ARHGEF3: variants seen among roughly 807,000 people sequenced by gnomAD.
ARHGEF3 encodes the protein Rho guanine nucleotide exchange factor 3.
A neutral mutation model predicts 63.2 loss-of-function variants in ARHGEF3; 28 were observed. The ratio of observed to expected loss-of-function variants is 0.44; its 90% confidence interval spans 0.33 to 0.61. The LOEUF (loss-of-function observed/expected upper bound fraction) is 0.61. Among genes scored for constraint, ARHGEF3 ranks in the 20% least tolerant of loss-of-function variants. The pLI, the probability that ARHGEF3 is intolerant of heterozygous loss-of-function variation, is 0.03. For missense variants in ARHGEF3, 533 were observed against 659.3 expected, an observed-to-expected ratio of 0.81 and a Z score of 2.10; for synonymous variants, 266 against 254.2, an observed-to-expected ratio of 1.05 and a Z score of -0.44.
At chr3:56,968,286 TA>T (rs1369417045) in intron 2 of ARHGEF3, among the ~76,000 whole-genome samples, 8 of 26,036 alleles carry the variant, frequency 3.1e-4, no homozygotes, top group Non-Finnish European at 4.8e-4. Context: ...AAAATATATA[TA>T]ATATATATAA....
chr3:56,729,692 G>A lies in ARHGEF3; in HGVS notation c.1229-70C>T, dbSNP rs536226985. 6.3e-5 allele frequency: 81 copies of A among 1,278,842 alleles called. No homozygotes were observed. The African/African-American group carries it at 9.8e-4, about 16-fold the overall frequency. The allele number at this position is 1,278,842 out of a possible 1,614,324, so 79.2% of individuals were successfully genotyped here. A position where few individuals can be genotyped will look rare whatever the true frequency, so the allele number is the denominator to read the frequency against. The stretch of plus-strand genomic sequence containing the variant: ...CTTCCTCAGGCCAAAGAGAACACAC[G>A]TAGTGACACTAAACCCCAGAATCCA... On this transcript the variant is annotated intron_variant, in intron 9 of 9. Transcript: ENST00000296315.
rs764625854 is a variant in ARHGEF3, at chr3:56,773,740, G to A, written c.173C>T (p.Thr58Met). ...GGTTTGACTGAAGCGCTTTAATGGC[G>A]TGGCCTTCACGGGCGGGATGAGGTT... ...LANLIPPVKA[T>M]PLKRFSQTLQ... Residue 58 changes from threonine to methionine, a missense_variant, in exon 2 of 10, where the codon ACG becomes ATG. This residue lies in a region of ARHGEF3 where 160 missense variants were observed against 157.3 expected (regional missense o/e 1.02). Coordinates refer to ENST00000296315, the MANE Select transcript of ARHGEF3 (RefSeq NM_019555.3). 6 of 1,593,868 alleles carry A rather than the reference G, an allele frequency of 3.8e-6. No individual in the cohort carries two copies. Among genetic ancestry groups the A allele is most frequent in the Admixed American group, 3.7e-5 (2 of 54,358 alleles).
intron 3 of ARHGEF3, among the ~76,000 whole-genome samples, chr3:56,924,239 A>C (rs1202896660): frequency 6.6e-6 from 1 of 152,210 alleles, no homozygotes; most frequent in African/African-American, 2.4e-5. Flanking sequence ...CTCTCATCAC[A>C]TTGAGAACTA....
chr3:56,770,411 AAAATT>A (rs532232575), intron 2 of ARHGEF3, among the ~76,000 whole-genome samples: 2,401 of 147,774 alleles, frequency 0.016, 81 homozygotes, highest in African/African-American at 0.057. Flanking sequence ...CTCTGTCTCG[AAAATT>A]AAATTAAATT....
intron 2 of ARHGEF3, among the ~76,000 whole-genome samples, chr3:56,760,464 A>G (rs966076546): frequency 1.3e-5 from 2 of 152,206 alleles, no homozygotes; most frequent in African/African-American, 4.8e-5. Flanking sequence ...CTCTACCACT[A>G]TGAATTTCTT....
intron 6 of ARHGEF3, among the ~76,000 whole-genome samples, chr3:56,746,555 C>T (rs1394430098): frequency 3.3e-5 from 5 of 151,950 alleles, no homozygotes; most frequent in Admixed American, 6.6e-5. Flanking sequence ...CATGGTGAAA[C>T]CCCATCTCTA....
chr3:57,042,678 ATATATATATATATATATATATATTT>A lies in ARHGEF3; in HGVS notation c.-27-7527_-27-7503del, dbSNP rs1241548591. Among the ~76,000 whole-genome samples, 22 of 28,820 alleles carry A rather than the reference ATATATATATATATATATATATATTT, an allele frequency of 7.6e-4. 2 individuals are homozygous for A. The highest frequency in any genetic ancestry group is 4.9e-3 in the African/African-American group (18 of 3,684). 18.9% of individuals were successfully genotyped at this position (28,820 alleles called of 152,430 possible). A position where few individuals can be genotyped will look rare whatever the true frequency, so the allele number is the denominator to read the frequency against. On this transcript the variant is annotated intron_variant, in intron 1 of 12. Transcript: ENST00000338458. ...TATATATATATATATATATATATAT[ATATATATATATATATATATATATTT>A]TTTTTTTTTTTTAGACGGAGTCTCG...
intron 3 of ARHGEF3, among the ~76,000 whole-genome samples, chr3:56,887,545 G>T (rs1219006730): frequency 6.6e-6 from 1 of 152,092 alleles, no homozygotes; most frequent in East Asian, 1.9e-4. Context: ...GTTATGAATT[G>T]CCCACAGGAA....
rs114626301 is a variant in ARHGEF3 at position 57,011,664 on chromosome 3, G to A, written c.62+23424C>T. Among the ~76,000 whole-genome samples, 329 of 152,272 alleles carry A rather than the reference G, an allele frequency of 2.2e-3. 2 individuals are homozygous for A. Among genetic ancestry groups the A allele is most frequent in the Middle Eastern group, 6.8e-3 (2 of 294 alleles). Reference sequence around the variant, plus strand: ...AAACCAGAGCAAAGGCAGCAGGTATGGATTTGACACCAGAAAGAAAGGTGT... The same window carrying A: ...AAACCAGAGCAAAGGCAGCAGGTATAGATTTGACACCAGAAAGAAAGGTGT... On this transcript the variant is annotated intron_variant, in intron 2 of 12. Coordinates refer to the ARHGEF3 transcript ENST00000338458.
At chr3:56,729,658 G>A (rs2032976322) in intron 9 of ARHGEF3, 36 bp from the exon 10 acceptor site, 2 of 1,520,874 alleles carry the variant, frequency 1.3e-6, no homozygotes, top group Non-Finnish European at 1.8e-6. Context: ...CAAAGTCAAT[G>A]GACAGATCCT....
In ARHGEF3 at chr3:57,014,684, C is replaced by CTT. The variant is rs34987425; in HGVS notation, c.62+20402_62+20403dup. On this transcript the variant is annotated intron_variant, in intron 2 of 12. Transcript: ENST00000338458. ...AGCAAATATTTATAAAGCTTGTTAA[C>CTT]TTTTTTTTTTTTTTGAGACAGAGTC... Among the ~76,000 whole-genome samples, 1,451 of 146,670 alleles carry CTT rather than the reference C, an allele frequency of 9.9e-3. 15 individuals carry two copies. The highest frequency in any genetic ancestry group is 0.022 in the African/African-American group (860 of 39,838).
chr3:57,073,759 A>T, intron 1 of ARHGEF3: 1 of 1,614,184 alleles, frequency 6.2e-7, no homozygotes. Flanking sequence ...TGGGAAATGA[A>T]GGCACTAGAC....
chr3:56,992,030 G>A (rs548360028), intron 2 of ARHGEF3, among the ~76,000 whole-genome samples: 1 of 131,120 alleles, frequency 7.6e-6, no homozygotes, highest in Admixed American at 7.2e-5. Context: ...CTCTCTGTGT[G>A]TGTGTGTGTG....
At chr3:56,934,417 GC>G (rs2042494816) in intron 3 of ARHGEF3, among the ~76,000 whole-genome samples, 3 of 152,354 alleles carry the variant, frequency 2.0e-5, no homozygotes, top group African/African-American at 7.2e-5. Flanking sequence ...CCCTTTCTGG[GC>G]TGGCCAAGGC....
At chr3:57,014,343 T>A (rs1168451887) in intron 2 of ARHGEF3, among the ~76,000 whole-genome samples, 1 of 152,198 alleles carries the variant, frequency 6.6e-6, no homozygotes, top group Non-Finnish European at 1.5e-5. Context: ...GACACAATAG[T>A]GCACAGCCTT....
At position 56,729,274 on chromosome 3, in the gene ARHGEF3, A is replaced by T; in HGVS notation, c.1577T>A (p.Val526Asp). 6.2e-7 allele frequency: 1 copy of T among 1,609,978 alleles called. No individual in the cohort carries two copies. The highest frequency in any genetic ancestry group is 8.5e-7 in the Non-Finnish European group (1 of 1,177,432). The part of the protein sequence containing the change: ...CGNSRHGESN[V>D] ...CCCGAAGTGCACATGCTTCTGTCAG[A>T]CGTTACTTTCACCGTGCCTGCTGTT... The change falls in exon 10 of 10, where the codon GTC (valine) becomes GAC (aspartate). Residue 526 changes from valine (V) to aspartate (D), a missense_variant. Val to Asp is a radical substitution (Grantham distance 152). This residue lies in a region of ARHGEF3 where 115 missense variants were observed against 103.4 expected (regional missense o/e 1.11). Transcript: ENST00000296315.
chr3:57,037,471 G>A (rs1478603782), intron 1 of ARHGEF3, among the ~76,000 whole-genome samples: 3 of 152,192 alleles, frequency 2.0e-5, no homozygotes, highest in African/African-American at 7.2e-5. Flanking sequence ...AAGCAGCCAT[G>A]AGGGATCAGG....
At chr3:56,787,007 G>C (rs1393403062) in intron 1 of ARHGEF3, among the ~76,000 whole-genome samples, 1 of 152,172 alleles carries the variant, frequency 6.6e-6, no homozygotes, top group Non-Finnish European at 1.5e-5. Context: ...AAATAAAAAT[G>C]GTATTTATTC....
chr3:56,864,362 AG>A (rs2040174696), intron 4 of ARHGEF3, among the ~76,000 whole-genome samples: 1 of 152,206 alleles, frequency 6.6e-6, no homozygotes, highest in Non-Finnish European at 1.5e-5. Flanking sequence ...CCAAGGTCAC[AG>A]CTCTTTCACT....
Sources: allele counts gnomAD v4.1 joint callset (sites outside exome capture counted in the v4.1 genomes callset), GRCh38; gene constraint gnomAD v4.1.1; regional missense constraint gnomAD v4.1.1; transcripts MANE v1.5; gene names NCBI Gene and HGNC (gene_info 2026-07-23, HGNC 2026-07-21).